RUNX1: variants seen among roughly 807,000 people sequenced by gnomAD.
RUNX1 encodes the protein RUNX family transcription factor 1, also known as runt-related transcription factor 1.
RUNX1 carries 19 observed loss-of-function variants against 42.8 expected under a neutral mutation model. The observed-to-expected ratio is 0.44, with a 90% CI of 0.31 to 0.65. RUNX1 has a LOEUF of 0.65. RUNX1 is among the 30% of genes least tolerant of loss of function. The pLI is 0.07. For synonymous variants in RUNX1, 271 were observed against 289.4 expected (o/e 0.94, Z 0.64); for missense variants, 528 against 672.0 (o/e 0.79, Z 2.37).
At chr21:34,905,506 T>TAA (rs745840981) in intron 2 of RUNX1, among the ~76,000 whole-genome samples, 1 of 152,212 alleles carries the variant, frequency 6.6e-6, no homozygotes, top group Non-Finnish European at 1.5e-5. Flanking sequence ...CAGATTTAAT[T>TAA]AATCCCACTC....
intron 2 of RUNX1, among the ~76,000 whole-genome samples, chr21:34,993,091 C>T (rs1157673719): frequency 3.3e-5 from 5 of 152,240 alleles, no homozygotes; most frequent in Non-Finnish European, 7.3e-5. Flanking sequence ...GTGCTGGGTG[C>T]TTCACCTCGT....
In RUNX1 at chr21:34,937,231, AATT is replaced by A. The variant is rs541875593; in HGVS notation, c.59-44271_59-44269del. ...TTAATGTCATCTTTTCTTAATACTC[AATT>A]ATTATTATTATTGTTATTGTTACTG... On this transcript the variant is annotated intron_variant, in intron 2 of 8. Coordinates refer to ENST00000675419, the MANE Select transcript of RUNX1 (RefSeq NM_001754.5). 3.6e-4 allele frequency among the ~76,000 whole-genome samples: 54 copies of A among 151,508 alleles called. 1 individual carries two copies. The South Asian group carries it at 6.5e-3, about 18-fold the overall frequency.
rs536104408 is a variant in RUNX1, at chr21:34,809,880, T to C, written c.806-10418A>G. 9.2e-5 allele frequency among the ~76,000 whole-genome samples: 14 copies of C among 152,326 alleles called. No individual in the cohort carries two copies. In the East Asian group the frequency reaches 2.3e-3, roughly 25 times the overall value. On this transcript the variant is annotated intron_variant, in intron 7 of 8. Transcript: ENST00000675419. ...TGGGACTGCAGAGGCTACAAAATGATGAACCCCCTAACCTATGAGTTGTCG... is the reference window on the plus strand; with the variant it reads ...TGGGACTGCAGAGGCTACAAAATGACGAACCCCCTAACCTATGAGTTGTCG...
chr21:34,919,474 A>C (rs576232160), intron 2 of RUNX1, among the ~76,000 whole-genome samples: 19 of 152,112 alleles, frequency 1.2e-4, no homozygotes, highest in Non-Finnish European at 2.5e-4. Flanking sequence ...TCGATTTTGC[A>C]TGGAAGCTCC....
At chr21:34,849,364 T>TTATAC (rs1555892752) in intron 6 of RUNX1, among the ~76,000 whole-genome samples, 2 of 46,610 alleles carry the variant, frequency 4.3e-5, no homozygotes, top group South Asian at 1.0e-3. Flanking sequence ...ATATAATATA[T>TTATAC]TATATATACT....
At chr21:34,809,648 C>T (rs545243388) in intron 7 of RUNX1, among the ~76,000 whole-genome samples, 4 of 152,206 alleles carry the variant, frequency 2.6e-5, no homozygotes. Context: ...CATGGAAGGC[C>T]GTGCTTTACA....
chr21:34,977,224 CT>C (rs1208307425), intron 2 of RUNX1, among the ~76,000 whole-genome samples: 1 of 152,200 alleles, frequency 6.6e-6, no homozygotes, highest in Non-Finnish European at 1.5e-5. Flanking sequence ...TAAGAGTAGT[CT>C]ACACGGTGTT....
intron 7 of RUNX1, among the ~76,000 whole-genome samples, chr21:34,824,528 C>G (rs369429117): frequency 6.6e-6 from 1 of 152,124 alleles, no homozygotes; most frequent in South Asian, 2.1e-4. Flanking sequence ...GTTTTGCAAT[C>G]GGTATCTTTA....
intron 6 of RUNX1, among the ~76,000 whole-genome samples, chr21:34,849,338 ATAT>A (rs1256154571): frequency 6.8e-5 from 3 of 44,330 alleles, no homozygotes; most frequent in South Asian, 5.0e-4. Flanking sequence ...TATACTATAT[ATAT>A]TATATATAGT....
At chr21:34,980,685 C>T (rs2146788521) in intron 2 of RUNX1, among the ~76,000 whole-genome samples, 1 of 152,006 alleles carries the variant, frequency 6.6e-6, no homozygotes, top group South Asian at 2.1e-4. Context: ...GGAGGATTTC[C>T]CTTCCAGAAA....
intron 6 of RUNX1, among the ~76,000 whole-genome samples, chr21:34,852,060 C>T (rs571857923): frequency 7.9e-5 from 12 of 152,166 alleles, no homozygotes; most frequent in African/African-American, 2.2e-4. Context: ...CCCAGCTACT[C>T]GGGAGGCTGA....
chr21:34,819,802 T>C (rs1050358328), intron 7 of RUNX1, among the ~76,000 whole-genome samples: 1 of 152,206 alleles, frequency 6.6e-6, no homozygotes, highest in Admixed American at 6.5e-5. Flanking sequence ...AAGCCTCGTA[T>C]TCCCACAGCT....
At chr21:35,033,809 T>C (rs1031524706) in intron 2 of RUNX1, among the ~76,000 whole-genome samples, 3 of 152,200 alleles carry the variant, frequency 2.0e-5, no homozygotes, top group Non-Finnish European at 2.9e-5. Context: ...TTTTAAAGTC[T>C]TCAAAGAAAT....
At chr21:34,962,673 G>T (rs1353837387) in intron 2 of RUNX1, among the ~76,000 whole-genome samples, 2 of 152,236 alleles carry the variant, frequency 1.3e-5, no homozygotes, top group African/African-American at 4.8e-5. Context: ...TCCAAATCCA[G>T]ATTTATGCAC....
chr21:34,817,462 A>G (rs915026589), intron 7 of RUNX1, among the ~76,000 whole-genome samples: 3 of 152,220 alleles, frequency 2.0e-5, no homozygotes, highest in African/African-American at 7.2e-5. Context: ...GGAGTCAGCA[A>G]TGGGGCTTAG....
intron 7 of RUNX1, among the ~76,000 whole-genome samples, chr21:34,818,510 C>T (rs1412092843): frequency 1.3e-5 from 2 of 152,064 alleles, no homozygotes; most frequent in Non-Finnish European, 2.9e-5. Flanking sequence ...AAGCAGCCTG[C>T]ACCTCCTCGA....
chr21:34,904,857 T>C (rs2058205369), intron 2 of RUNX1, among the ~76,000 whole-genome samples: 1 of 152,228 alleles, frequency 6.6e-6, no homozygotes, highest in Non-Finnish European at 1.5e-5. Context: ...TAGAGAAGAA[T>C]ATTCTAGATC....
intron 2 of RUNX1, among the ~76,000 whole-genome samples, chr21:34,985,867 C>CTTT (rs33913281): frequency 6.6e-5 from 5 of 75,462 alleles, no homozygotes; most frequent in East Asian, 4.0e-4. Context: ...TCTGACCAGA[C>CTTT]TTTTTTTTTT....
At chr21:35,032,525 G>A (rs1335899184) in intron 2 of RUNX1, among the ~76,000 whole-genome samples, 2 of 152,252 alleles carry the variant, frequency 1.3e-5, no homozygotes, top group Non-Finnish European at 2.9e-5. Flanking sequence ...TCAGTCCCGT[G>A]ACTATGAATC....
Sources: allele counts gnomAD v4.1 joint callset (sites outside exome capture counted in the v4.1 genomes callset), GRCh38; gene constraint gnomAD v4.1.1; transcripts MANE v1.5; gene names NCBI Gene and HGNC (gene_info 2026-07-23, HGNC 2026-07-21).